The following EPB41L4A variants were observed in gnomAD, a reference collection of about 807,000 sequenced individuals.
EPB41L4A encodes band 4.1-like protein 4A.
EPB41L4A carries 100 observed loss-of-function variants against 108.6 expected under a neutral mutation model. The ratio of observed to expected loss-of-function variants is 0.92; its 90% CI spans 0.78 to 1.09. EPB41L4A has a LOEUF of 1.09. EPB41L4A is among the 50% of genes least tolerant of loss of function. The probability of loss-of-function intolerance (pLI) is 0.00; values close to 1 mark genes in which losing one functional copy is unlikely to be tolerated. For missense variants in EPB41L4A, 1,030 were observed against 842.7 expected (o/e 1.22, Z -2.75); for synonymous variants, 319 against 289.0 (o/e 1.10, Z -1.05).
intron 18 of EPB41L4A, among the ~76,000 whole-genome samples, chr5:112,182,905 GTAAT>G (rs1561455910): frequency 6.6e-6 from 1 of 151,892 alleles, no homozygotes; most frequent in East Asian, 1.9e-4. Flanking sequence ...AAATTACAGA[GTAAT>G]TAATACATCT....
At chr5:112,316,781 T>C (rs868409242) in intron 1 of EPB41L4A, among the ~76,000 whole-genome samples, 2 of 152,202 alleles carry the variant, frequency 1.3e-5, no homozygotes, top group African/African-American at 2.4e-5. Flanking sequence ...ACAGCTGGTA[T>C]CAGCTCCATC....
chr5:112,213,781 A>G (rs1747417385), intron 12 of EPB41L4A, among the ~76,000 whole-genome samples: 2 of 152,200 alleles, frequency 1.3e-5, no homozygotes, highest in Admixed American at 6.5e-5. Context: ...GGGAAAAACC[A>G]CTTAGAAGCA....
At chr5:112,384,459 AT>A (rs368539905) in intron 1 of EPB41L4A, among the ~76,000 whole-genome samples, 40 of 148,618 alleles carry the variant, frequency 2.7e-4, no homozygotes, top group Admixed American at 4.0e-4. Context: ...TAACTTCACT[AT>A]TTTTTTTTTA....
chr5:112,209,863 T>C (rs780027704), intron 13 of EPB41L4A, 29 bp downstream of exon 13: 1 of 1,378,864 alleles, frequency 7.3e-7, no homozygotes. Flanking sequence ...AGCATATAAT[T>C]GTACGTTTCT....
At chr5:112,332,919 T>C (rs1756659734) in intron 1 of EPB41L4A, among the ~76,000 whole-genome samples, 2 of 152,220 alleles carry the variant, frequency 1.3e-5, no homozygotes, top group African/African-American at 4.8e-5. Context: ...AAGACATTAG[T>C]GCCCAAGGTT....
At chr5:112,419,815 C>T (rs758210741), upstream of EPB41L4A, 1 of 456,736 alleles carries the variant, frequency 2.2e-6, no homozygotes, top group South Asian at 1.5e-5. Context: ...TCCGGGGACT[C>T]CCGAGCTCAT....
At chr5:112,297,447 A>G (rs1468998713) in intron 2 of EPB41L4A, among the ~76,000 whole-genome samples, 4 of 152,038 alleles carry the variant, frequency 2.6e-5, no homozygotes, top group African/African-American at 9.7e-5. Flanking sequence ...TCTTTCGAGA[A>G]TTGTCCACTC....
At chr5:112,160,488 G>T (rs1759820788), downstream of EPB41L4A, 1 of 152,400 alleles carries the variant, frequency 6.6e-6, no homozygotes, top group East Asian at 1.9e-4. Flanking sequence ...TCTTTCGAAT[G>T]AATGACTCTA....
At position 112,415,971 on chromosome 5, in the gene EPB41L4A, T is replaced by C. The variant is rs899717500; in HGVS notation, c.99+2970A>G. On this transcript the variant is annotated intron_variant, in intron 1 of 22. Transcript: ENST00000261486. ...GCAAAGATACTGTGTTTTATTTTTC[T>C]GGTATTTTTTTTTTAACAGAAAATT... Among the ~76,000 whole-genome samples the C allele has an allele frequency of 3.4e-5, 5 of 147,240 alleles. No homozygotes were observed. In the East Asian group the frequency reaches 9.6e-4, roughly 28 times the overall value.
At chr5:112,339,636 C>CTG (rs1757181053) in intron 1 of EPB41L4A, among the ~76,000 whole-genome samples, 3 of 151,128 alleles carry the variant, frequency 2.0e-5, no homozygotes, top group Admixed American at 2.0e-4. Flanking sequence ...TGGGTTCAAG[C>CTG]GATTCCCCCG....
At chr5:112,277,620 A>G (rs977752931) in intron 3 of EPB41L4A, among the ~76,000 whole-genome samples, 2 of 152,222 alleles carry the variant, frequency 1.3e-5, no homozygotes, top group Non-Finnish European at 2.9e-5. Flanking sequence ...AAGAAAAAAA[A>G]GTTTGCTATC....
chr5:112,204,678 G>A (rs1264651946), intron 14 of EPB41L4A, 190 bp from the exon 15 acceptor site: 2 of 441,500 alleles, frequency 4.5e-6, no homozygotes, highest in Non-Finnish European at 8.3e-6. Context: ...AAATCATAAA[G>A]GTCATTATTT....
intron 1 of EPB41L4A, among the ~76,000 whole-genome samples, chr5:112,396,113 G>A (rs1307557128): frequency 2.0e-5 from 3 of 152,082 alleles, no homozygotes; most frequent in African/African-American, 7.2e-5. Flanking sequence ...GTTGGGGGAA[G>A]GGGGAGGGAT....
chr5:112,274,650 A>T (rs1015351915), intron 4 of EPB41L4A, among the ~76,000 whole-genome samples: 1 of 152,198 alleles, frequency 6.6e-6, no homozygotes, highest in African/African-American at 2.4e-5. Context: ...TAGGGAATAT[A>T]CTTTTGTTTT....
chr5:112,377,035 C>T (rs1039940466), intron 1 of EPB41L4A, among the ~76,000 whole-genome samples: 5 of 151,838 alleles, frequency 3.3e-5, no homozygotes, highest in Non-Finnish European at 7.4e-5. Flanking sequence ...GAGACCCCGT[C>T]TCTATAAAAC....
chr5:112,212,766 T>C lies in EPB41L4A; in HGVS notation c.1088-2784A>G, dbSNP rs185639023. Among the ~76,000 whole-genome samples the C allele has an allele frequency of 7.2e-5, 11 of 152,182 alleles. No individual in the cohort carries two copies. The East Asian group carries it at 2.1e-3, about 29-fold the overall frequency. Reference sequence around the variant, plus strand: ...CAGAGAGACCAATACCCAGTGTCAATAACACCAACTGAAAAAAGCTGAGTA... The same window carrying C: ...CAGAGAGACCAATACCCAGTGTCAACAACACCAACTGAAAAAAGCTGAGTA... On this transcript the variant is annotated intron_variant, in intron 12 of 22. Transcript: ENST00000261486.
At chr5:112,230,711 A>G (rs1748852692) in intron 12 of EPB41L4A, among the ~76,000 whole-genome samples, 2 of 152,172 alleles carry the variant, frequency 1.3e-5, no homozygotes. Context: ...TTTGCTGTGC[A>G]GAAGCTTTTC....
intron 4 of EPB41L4A, among the ~76,000 whole-genome samples, chr5:112,272,224 T>C (rs1268262443): frequency 6.9e-6 from 1 of 145,876 alleles, no homozygotes; most frequent in Non-Finnish European, 1.5e-5. Flanking sequence ...AACCTCCGCC[T>C]CCCGGGTTCA....
chr5:112,378,344 G>A (rs959593308), intron 1 of EPB41L4A, among the ~76,000 whole-genome samples: 2 of 152,174 alleles, frequency 1.3e-5, no homozygotes, highest in African/African-American at 4.8e-5. Context: ...AGAGCAGAGA[G>A]TAGTTTCTCT....
Sources: gnomAD v4.1 joint callset for allele counts (sites outside exome capture counted in the v4.1 genomes callset) on GRCh38, gnomAD v4.1.1 for gene constraint, MANE v1.5 for transcripts, NCBI Gene and HGNC (gene_info 2026-07-23, HGNC 2026-07-21) for gene names.